Variants in ABCB1 observed in about 807,000 individuals in gnomAD.
ABCB1 encodes ATP-dependent translocase ABCB1.
A neutral mutation model predicts 142.0 loss-of-function variants in ABCB1; 69 were observed. The ratio of observed to expected loss-of-function variants is 0.49; its 90% CI spans 0.40 to 0.59. ABCB1 has a LOEUF of 0.59. ABCB1 is among the 20% of genes least tolerant of loss of function. ABCB1 has a pLI of 0.00. For missense variants in ABCB1, 1,326 were observed against 1,554.7 expected, an observed-to-expected ratio of 0.85 and a Z score of 2.47; for synonymous variants, 532 against 539.2, an observed-to-expected ratio of 0.99 and a Z score of 0.18.
chr7:87,687,320 G>A (rs542704613), intron 1 of ABCB1, among the ~76,000 whole-genome samples: 1 of 151,684 alleles, frequency 6.6e-6, no homozygotes, highest in East Asian at 1.9e-4. Context: ...TCTAGTATCT[G>A]AATGGTTAAC....
At chr7:87,603,294 A>G (rs988378668), upstream of ABCB1, among the ~76,000 whole-genome samples, 1 of 152,240 alleles carries the variant, frequency 6.6e-6, no homozygotes, top group Non-Finnish European at 1.5e-5. Flanking sequence ...TTACTCCCAT[A>G]TTACAATAAA....
At chr7:87,704,450 T>A (rs1334104985) in intron 1 of ABCB1, among the ~76,000 whole-genome samples, 1 of 152,194 alleles carries the variant, frequency 6.6e-6, no homozygotes, top group African/African-American at 2.4e-5. Flanking sequence ...TTTATAAAAC[T>A]AGCATATCCC....
intron 4 of ABCB1, among the ~76,000 whole-genome samples, chr7:87,574,065 A>G (rs1818175307): frequency 6.6e-6 from 1 of 152,194 alleles, no homozygotes; most frequent in Non-Finnish European, 1.5e-5. Flanking sequence ...CTGACTACAT[A>G]GGCACTGGAG....
intron 27 of ABCB1, among the ~76,000 whole-genome samples, chr7:87,505,470 C>A (rs753311962): frequency 7.2e-5 from 11 of 152,088 alleles, no homozygotes; most frequent in Admixed American, 5.9e-4. Flanking sequence ...GTAGAGAATA[C>A]CTCATACTGA....
intron 1 of ABCB1, among the ~76,000 whole-genome samples, chr7:87,615,157 A>C (rs1819994173): frequency 6.6e-6 from 1 of 152,078 alleles, no homozygotes. Context: ...TTCTTATTGC[A>C]TTGTTTCTTA....
At position 87,525,438 on chromosome 7, in the gene ABCB1, A is replaced by G. The variant is rs144377662; in HGVS notation, c.2686-4562T>C. ...ACCCCTCGTGCAGTTGAAAATTCAC[A>G]TATAACTTCTGACTCCCCAGAAACT... On this transcript the variant is annotated intron_variant, in intron 21 of 27. Coordinates refer to ENST00000622132, the MANE Select transcript of ABCB1 (RefSeq NM_001348946.2). Among the ~76,000 whole-genome samples the G allele has an allele frequency of 6.5e-3, 992 of 152,252 alleles. 8 individuals carry two copies. The highest frequency in any genetic ancestry group is 0.021 in the African/African-American group (872 of 41,558).
chr7:87,579,609 C>T (rs186659920), intron 4 of ABCB1, among the ~76,000 whole-genome samples: 150 of 152,164 alleles, frequency 9.9e-4, no homozygotes, highest in African/African-American at 3.4e-3. Context: ...TCCATTCAGC[C>T]ACTCTATGTC....
intron 3 of ABCB1, among the ~76,000 whole-genome samples, chr7:87,586,141 C>T (rs1818741924): frequency 1.3e-5 from 2 of 151,998 alleles, no homozygotes; most frequent in South Asian, 4.1e-4. Flanking sequence ...AACAATGGAA[C>T]TGGTATAAAG....
intron 3 of ABCB1, among the ~76,000 whole-genome samples, chr7:87,593,959 A>C (rs1438790302): frequency 6.6e-6 from 1 of 152,170 alleles, no homozygotes; most frequent in Non-Finnish European, 1.5e-5. Context: ...TGAATCACTG[A>C]AGCTGGGCTT....
intron 1 of ABCB1, among the ~76,000 whole-genome samples, chr7:87,648,270 G>A (rs974296345): frequency 4.6e-5 from 7 of 151,692 alleles, no homozygotes; most frequent in African/African-American, 1.7e-4. Flanking sequence ...AGTTACAGAA[G>A]AAATCATTGA....
chr7:87,553,448 G>C (rs1175829401), intron 9 of ABCB1, among the ~76,000 whole-genome samples: 1 of 151,120 alleles, frequency 6.6e-6, no homozygotes, highest in Non-Finnish European at 1.5e-5. Flanking sequence ...AGCCTCCTGA[G>C]TAGCTGGGAC....
chr7:87,638,811 G>C (rs574946656), intron 1 of ABCB1, among the ~76,000 whole-genome samples: 2 of 151,864 alleles, frequency 1.3e-5, no homozygotes, highest in Non-Finnish European at 2.9e-5. Flanking sequence ...CTGTCGACTC[G>C]TGTTATGACT....
chr7:87,522,323 G>C (rs1189602976), intron 21 of ABCB1: 1 of 750,812 alleles, frequency 1.3e-6, no homozygotes, highest in East Asian at 2.5e-5. Context: ...CCCCTATGCT[G>C]GTACAGGCCA....
chr7:87,643,996 C>G (rs1265897818), intron 1 of ABCB1, among the ~76,000 whole-genome samples: 1 of 152,174 alleles, frequency 6.6e-6, no homozygotes, highest in Non-Finnish European at 1.5e-5. Context: ...GTAGCTGGGA[C>G]TACAAGTGTG....
At chr7:87,546,139 A>G in intron 14 of ABCB1, 115 bp from the exon 15 acceptor site, 4 of 988,390 alleles carry the variant, frequency 4.0e-6, no homozygotes, top group Non-Finnish European at 6.3e-6. Context: ...CATCAAATCT[A>G]TATAAGATAG....
At chr7:87,626,021 TATAGAGAG>T (rs1465302546) in intron 1 of ABCB1, among the ~76,000 whole-genome samples, 27 of 126,552 alleles carry the variant, frequency 2.1e-4, no homozygotes, top group East Asian at 1.1e-3. Flanking sequence ...TATATATATA[TATAGAGAG>T]AGAGAGAGAG....
At chr7:87,639,858 ATTAT>A (rs1822244323) in intron 1 of ABCB1, among the ~76,000 whole-genome samples, 1 of 151,856 alleles carries the variant, frequency 6.6e-6, no homozygotes, top group African/African-American at 2.4e-5. Flanking sequence ...TAGTCTTTTA[ATTAT>A]TTAGCCCATT....
chr7:87,585,316 C>T (rs1450594620), intron 4 of ABCB1, among the ~76,000 whole-genome samples, 196 bp downstream of exon 4: 2 of 152,182 alleles, frequency 1.3e-5, no homozygotes, highest in Admixed American at 6.5e-5. Context: ...TCTGCTGGCA[C>T]TTCAGTTGTG....
chr7:87,677,335 TAA>T (rs57714170), intron 1 of ABCB1, among the ~76,000 whole-genome samples: 28 of 125,170 alleles, frequency 2.2e-4, no homozygotes, highest in African/African-American at 5.8e-4. Context: ...ATTTCAGATT[TAA>T]AAAAAAAAAA....
Sources: gnomAD v4.1 joint callset for allele counts (sites outside exome capture counted in the v4.1 genomes callset) on GRCh38, gnomAD v4.1.1 for gene constraint, MANE v1.5 for transcripts, NCBI Gene and HGNC (gene_info 2026-07-23, HGNC 2026-07-21) for gene names.